Variants in KMT2C observed in about 807,000 individuals in gnomAD.
KMT2C encodes histone-lysine N-methyltransferase 2C.
In KMT2C, 88 loss-of-function variants were observed where a neutral mutation model predicts 507.9. That is an observed-to-expected ratio of 0.17 (90% CI 0.15 to 0.21). The LOEUF is 0.21. Ranked by LOEUF, KMT2C falls within the 10% of genes least tolerant of loss-of-function variation. The probability of loss-of-function intolerance (pLI) is 1.00; values close to 1 mark genes in which losing one functional copy is unlikely to be tolerated. For missense variants in KMT2C, 4,954 were observed against 5,957.8 expected, an observed-to-expected ratio of 0.83 and a Z score of 5.55; for synonymous variants, 2,049 against 2,080.8, an observed-to-expected ratio of 0.98 and a Z score of 0.42.
intron 8 of KMT2C, among the ~76,000 whole-genome samples, chr7:152,264,523 T>C (rs2129173040): frequency 6.6e-6 from 1 of 152,304 alleles, no homozygotes; most frequent in South Asian, 2.1e-4. Context: ...TTTAGAGAGA[T>C]GCAGATGTAC....
At position 152,340,614 on chromosome 7, in the gene KMT2C, G is replaced by GAATAT. The variant is rs532702571; in HGVS notation, c.251-9880_251-9876dup. 9.2e-5 allele frequency among the ~76,000 whole-genome samples: 14 copies of GAATAT among 152,146 alleles called. No individual in the cohort carries two copies. The South Asian group carries it at 2.7e-3, about 29-fold the overall frequency. Reference sequence around the variant, plus strand: ...AAATATTGACACTGATTAATAATATGAATATAGTTGCTGCTTTCACAGAAC... The same window carrying GAATAT: ...AAATATTGACACTGATTAATAATATGAATATAATATAGTTGCTGCTTTCACAGAAC... On this transcript the variant is annotated intron_variant, in intron 2 of 58. Transcript: ENST00000262189.
chr7:152,332,033 C>CTT (rs1375158119), intron 2 of KMT2C, among the ~76,000 whole-genome samples: 1 of 152,168 alleles, frequency 6.6e-6, no homozygotes, highest in Non-Finnish European at 1.5e-5. Context: ...TTGCTTCACA[C>CTT]TTTATAAAAT....
rs2094129106 is a variant in KMT2C, at chr7:152,201,287, G to GAC, written c.4092+1645_4092+1646dup. On this transcript the variant is annotated intron_variant, in intron 26 of 58. Transcript: ENST00000262189. ...AGGCCTCCCTCATGTCACACATACA[G>GAC]ACACAGACACACACACACACACACA... is the stretch of plus-strand genomic sequence containing the variant. 3.2e-5 allele frequency among the ~76,000 whole-genome samples: 4 copies of GAC among 123,134 alleles called. No individual in the cohort carries two copies. In the South Asian group the frequency reaches 7.9e-4, roughly 24 times the overall value. The allele number at this position is 123,134 out of a possible 152,430, so 80.8% of individuals were successfully genotyped here.
chr7:152,227,047 A>G (rs956212859), intron 18 of KMT2C, among the ~76,000 whole-genome samples: 6 of 152,188 alleles, frequency 3.9e-5, no homozygotes, highest in Non-Finnish European at 8.8e-5. Context: ...CAAACTCTCA[A>G]GTTTCTCAGC....
At chr7:152,195,574 A>G (rs2093937677) in intron 28 of KMT2C, 9 of 984,184 alleles carry the variant, frequency 9.1e-6, no homozygotes, top group Non-Finnish European at 9.7e-6. Flanking sequence ...CAAGACCTAT[A>G]AGACCCAAAC....
chr7:152,361,031 T>C (rs940237239), intron 1 of KMT2C, among the ~76,000 whole-genome samples: 5 of 152,148 alleles, frequency 3.3e-5, no homozygotes, highest in Non-Finnish European at 7.3e-5. Flanking sequence ...CTATTGAATA[T>C]AATCAGAATG....
chr7:152,153,289 T>G (rs1253148034), intron 48 of KMT2C, among the ~76,000 whole-genome samples: 1 of 152,196 alleles, frequency 6.6e-6, no homozygotes, highest in East Asian at 1.9e-4. Context: ...GGGGCTTCCC[T>G]CCAGCTCTGA....
At chr7:152,237,781 T>C (rs1444653632) in intron 15 of KMT2C, among the ~76,000 whole-genome samples, 1 of 152,216 alleles carries the variant, frequency 6.6e-6, no homozygotes, top group Non-Finnish European at 1.5e-5. Flanking sequence ...ATTACAGGCA[T>C]GAGCCACTGC....
intron 1 of KMT2C, among the ~76,000 whole-genome samples, chr7:152,377,788 T>C (rs1265317681): frequency 4.7e-5 from 7 of 149,504 alleles, no homozygotes; most frequent in African/African-American, 1.7e-4. Flanking sequence ...CAAAGTAAAC[T>C]GAAAACCTTC....
Position 152,187,743 on chromosome 7 carries a change from T to C in KMT2C, c.4765A>G (p.Ile1589Val), listed in dbSNP as rs911111121. 18 of 1,614,124 alleles carry C rather than the reference T, an allele frequency of 1.1e-5. No individual in the cohort carries two copies. Among genetic ancestry groups the C allele is most frequent in the Non-Finnish European group, 1.4e-5 (17 of 1,179,996 alleles). ...GCATCAGGATAAGAGGATTGTGCAATTGCAGAGAAAGTTCCCAGTCCGCTT... is the reference window on the plus strand; with the variant it reads ...GCATCAGGATAAGAGGATTGTGCAACTGCAGAGAAAGTTCCCAGTCCGCTT... ...PGSGLGTFSA[I>V]AQSSYPDARD... Residue 1589 changes from isoleucine (I) to valine (V), a missense_variant, in exon 32 of 59, where the codon ATT (isoleucine) becomes GTT (valine). Ile to Val is a conservative substitution (Grantham distance 29, BLOSUM62 3). This residue lies in a region of KMT2C where 195 missense variants were observed against 183.7 expected (regional missense o/e 1.06). Coordinates refer to ENST00000262189, the MANE Select transcript of KMT2C (RefSeq NM_170606.3).
Position 152,167,319 on chromosome 7 carries a change from T to C in KMT2C, c.9577A>G (p.Met3193Val). 1 of 1,614,050 alleles carries C rather than the reference T, an allele frequency of 6.2e-7. No individual in the cohort carries two copies. The highest frequency in any genetic ancestry group is 8.5e-7 in the Non-Finnish European group (1 of 1,180,020). The change falls in exon 42 of 59, where the codon ATG (methionine) becomes GTG (valine). Residue 3193 changes from methionine (M) to valine (V), a missense_variant. By Grantham distance (21) the Met-to-Val change is conservative. Coordinates refer to ENST00000262189, the MANE Select transcript of KMT2C (RefSeq NM_170606.3). ...TGTTCTTCAAGATACTTCTGCTGCATTTGAAGCAGCTGTTGGGTCTCCTGG... is the reference window on the plus strand; with the variant it reads ...TGTTCTTCAAGATACTTCTGCTGCACTTGAAGCAGCTGTTGGGTCTCCTGG... The part of the protein sequence containing the change: ...WLQETQQLLQ[M>V]QQKYLEEQIG...
rs886451716 is a variant in KMT2C at position 152,330,876 on chromosome 7, T to C, written c.251-137A>G. 30 of 757,618 alleles carry C rather than the reference T, an allele frequency of 4.0e-5. No individual in the cohort carries two copies. The South Asian group carries it at 5.4e-4, about 14-fold the overall frequency. 46.9% of individuals were successfully genotyped at this position (757,618 alleles called of 1,614,324 possible). Reference sequence around the variant, plus strand: ...CAATATTTCACTAACACAAGAAAAGTTCATGCACGTAATTAGTGGTATTGT... The same window carrying C: ...CAATATTTCACTAACACAAGAAAAGCTCATGCACGTAATTAGTGGTATTGT... On this transcript the variant is annotated intron_variant, in intron 2 of 58. Coordinates refer to ENST00000262189, the MANE Select transcript of KMT2C (RefSeq NM_170606.3).
chr7:152,171,187 G>T (rs1266776548), intron 40 of KMT2C, 77 bp downstream of exon 40: 6 of 904,134 alleles, frequency 6.6e-6, no homozygotes, highest in Non-Finnish European at 1.0e-5. Flanking sequence ...TCTAGCAGGG[G>T]ACTTACTCTA....
At chr7:152,217,530 T>C (rs2094616070) in intron 23 of KMT2C, among the ~76,000 whole-genome samples, 1 of 152,266 alleles carries the variant, frequency 6.6e-6, no homozygotes, top group Non-Finnish European at 1.5e-5. Flanking sequence ...ATGAAAATGC[T>C]GTATATTCAA....
At chr7:152,348,321 G>C (rs996120230) in intron 2 of KMT2C, among the ~76,000 whole-genome samples, 13 of 152,032 alleles carry the variant, frequency 8.6e-5, no homozygotes, top group Non-Finnish European at 4.4e-5. Context: ...GGAAGGCCAG[G>C]CATGGTGGCT....
At chr7:152,297,180 G>GA (rs2096524305) in intron 6 of KMT2C, among the ~76,000 whole-genome samples, 1 of 152,032 alleles carries the variant, frequency 6.6e-6, no homozygotes, top group Non-Finnish European at 1.5e-5. Flanking sequence ...TGAGAAATGA[G>GA]AAACAAAAGA....
chr7:152,142,775 G>A (rs1001647445), intron 55 of KMT2C, among the ~76,000 whole-genome samples: 3 of 152,208 alleles, frequency 2.0e-5, no homozygotes, highest in African/African-American at 7.2e-5. Flanking sequence ...AGCTACGTCA[G>A]TTGATCGAGA....
Position 152,364,609 on chromosome 7 carries a change from C to CAAAAAAAAAAAAAAAA in KMT2C, c.162-5935_162-5934insTTTTTTTTTTTTTTTT, listed in dbSNP as rs568794506. On this transcript the variant is annotated intron_variant, in intron 1 of 58. Coordinates refer to ENST00000262189, the MANE Select transcript of KMT2C (RefSeq NM_170606.3). The stretch of plus-strand genomic sequence containing the variant: ...GGGTGACAGAGCGAGACTCCGTCTC[C>CAAAAAAAAAAAAAAAA]AAAAAAAAAAAGAAAAGAAAAAAAG... 2.0e-4 allele frequency among the ~76,000 whole-genome samples: 18 copies of CAAAAAAAAAAAAAAAA among 90,784 alleles called. 1 individual carries two copies. The highest frequency in any genetic ancestry group is 8.3e-4 in the African/African-American group (17 of 20,538). 59.6% of individuals were successfully genotyped at this position (90,784 alleles called of 152,430 possible). A position where few individuals can be genotyped will look rare whatever the true frequency, so the allele number is the denominator to read the frequency against.
intron 1 of KMT2C, among the ~76,000 whole-genome samples, chr7:152,388,531 C>T (rs983452612): frequency 3.9e-5 from 6 of 152,162 alleles, no homozygotes; most frequent in African/African-American, 1.4e-4. Context: ...GCACTCCAGC[C>T]TGGGCGACAG....
Sources: allele counts gnomAD v4.1 joint callset (sites outside exome capture counted in the v4.1 genomes callset), GRCh38; gene constraint gnomAD v4.1.1; regional missense constraint gnomAD v4.1.1; transcripts MANE v1.5; gene names NCBI Gene and HGNC (gene_info 2026-07-23, HGNC 2026-07-21).